XPA: variants seen among roughly 807,000 people sequenced by gnomAD.
XPA encodes the protein XPA, DNA damage recognition and repair factor.
In XPA, 27 loss-of-function variants were observed where a neutral mutation model predicts 35.7. The ratio of observed to expected loss-of-function variants is 0.76; its 90% CI spans 0.56 to 1.04. XPA has a LOEUF of 1.04. Ranked by LOEUF, XPA falls within the 50% of genes least tolerant of loss-of-function variation. The pLI is 0.00. For synonymous variants in XPA, 133 were observed against 118.4 expected (o/e 1.12, Z -0.80); for missense variants, 354 against 342.7 (o/e 1.03, Z -0.26).
chr9:97,658,873 G>A, the XPA span: 1 of 702,194 alleles, frequency 1.4e-6, no homozygotes, highest in South Asian at 1.7e-5. Flanking sequence ...TTTGAAAGGT[G>A]GTCTATCATT....
intron 3 of XPA, 143 bp from the exon 4 acceptor site, chr9:97,687,404 C>T: frequency 1.6e-6 from 1 of 634,684 alleles, no homozygotes; most frequent in Non-Finnish European, 2.5e-6. Flanking sequence ...AAATTAGCAA[C>T]ATAAGAATTC....
chr9:97,671,509 T>G, downstream of XPA: 1 of 261,702 alleles, frequency 3.8e-6, no homozygotes. Flanking sequence ...TGTGAAACAC[T>G]AGAGGTCAAC....
Position 97,687,239 on chromosome 9 carries a change from G to A in XPA, c.412C>T (p.Leu138Phe). Residue 138 changes from leucine (L) to phenylalanine (F), a missense_variant, in exon 4 of 6, where the codon CTT (leucine) becomes TTT (phenylalanine). Coordinates refer to ENST00000375128, the MANE Select transcript of XPA (RefSeq NM_000380.4). ...NCRDADDKHK[L>F]ITKTEAKQEY... ...TGTTTTGCCTCTGTTTTGGTTATAA[G>A]CTTGTGTTTATCATCAGCATCTCTG... 1.2e-6 allele frequency: 2 copies of A among 1,607,218 alleles called. No individual in the cohort carries two copies. The highest frequency in any genetic ancestry group is 8.5e-7 in the Non-Finnish European group (1 of 1,176,932).
chr9:97,675,475 AGTACAAGTCTTACG>A lies in XPA; in HGVS notation c.772_785del (p.Arg258TyrfsTer5), dbSNP rs778543124. ...CATATGTCAGTTCATGGCCACACAT[AGTACAAGTCTTACG>A]GTACATGTCATCTTCTAGGTTTTCT... On this transcript the variant is annotated frameshift_variant, in exon 6 of 6. Coordinates refer to ENST00000375128, the MANE Select transcript of XPA (RefSeq NM_000380.4). LOFTEE classifies it high-confidence loss of function. The A allele has an allele frequency of 6.3e-5, 101 of 1,613,884 alleles. No individual in the cohort carries two copies. The highest frequency in any genetic ancestry group is 8.2e-5 in the Non-Finnish European group (97 of 1,179,948).
intron 5 of XPA, among the ~76,000 whole-genome samples, chr9:97,676,940 C>T (rs888708937): frequency 3.3e-5 from 5 of 152,148 alleles, no homozygotes; most frequent in African/African-American, 1.2e-4. Context: ...GGAATGCCCT[C>T]CTTCCTTTAA....
the XPA span, among the ~76,000 whole-genome samples, chr9:97,667,240 T>A: frequency 6.6e-6 from 1 of 152,172 alleles, no homozygotes; most frequent in Non-Finnish European, 1.5e-5. Context: ...TACTTAACAC[T>A]TTCCCCGTAC....
chr9:97,682,011 A>G (rs1828557636), intron 5 of XPA, among the ~76,000 whole-genome samples: 1 of 152,190 alleles, frequency 6.6e-6, no homozygotes, highest in African/African-American at 2.4e-5. Context: ...ACAAGGCAGA[A>G]CAATTTGAAT....
chr9:97,690,603 G>C (rs1314881073), intron 2 of XPA, among the ~76,000 whole-genome samples: 1 of 152,042 alleles, frequency 6.6e-6, no homozygotes, highest in Non-Finnish European at 1.5e-5. Context: ...GGCCAGGCTG[G>C]TCTCGATCTC....
chr9:97,675,412 T>A lies in XPA; in HGVS notation c.*27A>T. The A allele has an allele frequency of 1.2e-6, 2 of 1,605,238 alleles. No homozygotes were observed. The highest frequency in any genetic ancestry group is 1.7e-6 in the Non-Finnish European group (2 of 1,176,496). ...TTTCCTTTATTTAAATATAAAATTC[T>A]ATAAAACAGGTCACTGAACTAAAAA... On this transcript the variant is annotated 3_prime_UTR_variant, in exon 6 of 6. Transcript: ENST00000375128.
chr9:97,655,907 T>G, the XPA span: 1 of 1,359,230 alleles, frequency 7.4e-7, no homozygotes, highest in Non-Finnish European at 1.0e-6. Context: ...AATTATAACT[T>G]AACAAAACTT....
intron 5 of XPA, among the ~76,000 whole-genome samples, chr9:97,676,847 GAAA>G (rs916617322): frequency 2.6e-5 from 4 of 152,044 alleles, no homozygotes; most frequent in African/African-American, 9.7e-5. Context: ...TGGTCTGGAA[GAAA>G]AAAATGTTCA....
intron 5 of XPA, among the ~76,000 whole-genome samples, chr9:97,681,444 G>A (rs1049501334): frequency 1.3e-5 from 2 of 152,046 alleles, no homozygotes; most frequent in African/African-American, 4.8e-5. Context: ...ATAACCACAG[G>A]CCCACAATGT....
intron 5 of XPA, chr9:97,682,579 C>G: frequency 2.4e-6 from 1 of 421,490 alleles, no homozygotes; most frequent in Non-Finnish European, 4.7e-6. Context: ...TACAGAGACA[C>G]TTGGAAAATA....
intron 5 of XPA, among the ~76,000 whole-genome samples, chr9:97,682,633 C>G (rs3176708): frequency 0.12 from 17,984 of 152,114 alleles, 3,017 homozygotes; most frequent in African/African-American, 0.37. Context: ...CAAAAGACAT[C>G]CTTCATTCAA....
chr9:97,687,231 G>A lies in XPA; in HGVS notation c.420C>T (p.Thr140=), dbSNP rs1353217556. 2 of 1,608,530 alleles carry A rather than the reference G, an allele frequency of 1.2e-6. No homozygotes were observed. Among genetic ancestry groups the A allele is most frequent in the South Asian group, 1.1e-5 (1 of 89,996 alleles). Residue 140 remains threonine, a synonymous_variant, in exon 4 of 6, where the codon ACC becomes ACT. Coordinates refer to ENST00000375128, the MANE Select transcript of XPA (RefSeq NM_000380.4). ...RDADDKHKLI[T]KTEAKQEYLL... ...GATATTCTTGTTTTGCCTCTGTTTT[G>A]GTTATAAGCTTGTGTTTATCATCAG...
intron 2 of XPA, among the ~76,000 whole-genome samples, chr9:97,691,891 ATATATAT>A (rs199832613): frequency 0.19 from 17,681 of 92,880 alleles, 3,032 homozygotes; most frequent in African/African-American, 0.44. Flanking sequence ...AAATAAATAT[ATATATAT>A]ATATATATAT....
At chr9:97,661,090 T>C in the XPA span, 1 of 1,610,234 alleles carries the variant, frequency 6.2e-7, no homozygotes, top group Non-Finnish European at 8.5e-7. Context: ...TCAGTATTTC[T>C]TAAGTGGAAC....
rs1587755579 is a variant in XPA at position 97,697,131 on chromosome 9, C to T, written c.162G>A (p.Ala54=). Reference sequence around the variant, plus strand: ...GGACGCGGCCCAAACCTCCAGTAGCCGCAGCCGCCGTCGCCGAGTAGGGCC... The same window carrying T: ...GGACGCGGCCCAAACCTCCAGTAGCTGCAGCCGCCGTCGCCGAGTAGGGCC... ...AARPYSATAA[A]ATGGMANVKA... Residue 54 remains alanine, a synonymous_variant, in exon 1 of 6, where the codon GCG becomes GCA. Coordinates refer to ENST00000375128, the MANE Select transcript of XPA (RefSeq NM_000380.4). 1.3e-5 allele frequency: 20 copies of T among 1,550,798 alleles called. No homozygotes were observed. The highest frequency in any genetic ancestry group is 1.9e-5 in the Admixed American group (1 of 52,006).
chr9:97,655,258 T>C, the XPA span, among the ~76,000 whole-genome samples: 174 of 152,350 alleles, frequency 1.1e-3, no homozygotes, highest in Middle Eastern at 3.4e-3. Context: ...TCACCCAGGC[T>C]GGAGTGCAGT....
Sources: allele counts gnomAD v4.1 joint callset (sites outside exome capture counted in the v4.1 genomes callset), GRCh38; gene constraint gnomAD v4.1.1; transcripts MANE v1.5; gene names NCBI Gene and HGNC (gene_info 2026-07-23, HGNC 2026-07-21).